The following FLI1 variants were observed in gnomAD, a reference collection of about 807,000 sequenced individuals.
FLI1 encodes the protein Fli-1 proto-oncogene, ETS transcription factor, also known as Friend leukemia integration 1 transcription factor.
FLI1 carries 13 observed loss-of-function variants against 53.1 expected under a neutral mutation model. The ratio of observed to expected loss-of-function variants is 0.24; its 90% CI spans 0.16 to 0.39. The LOEUF (loss-of-function observed/expected upper bound fraction) is 0.39, where lower values mean the gene tolerates loss of function less well. Among genes scored for constraint, FLI1 ranks in the 10% least tolerant of loss-of-function variants. The pLI is 1.00. For synonymous variants in FLI1, 244 were observed against 236.7 expected, an observed-to-expected ratio of 1.03 and a Z score of -0.28; for missense variants, 424 against 600.5, an observed-to-expected ratio of 0.71 and a Z score of 3.07.
At chr11:128,696,459 C>T (rs1373303200) in intron 1 of FLI1, among the ~76,000 whole-genome samples, 1 of 152,146 alleles carries the variant, frequency 6.6e-6, no homozygotes, top group African/African-American at 2.4e-5. Flanking sequence ...GGAGAGAGGC[C>T]AGCATTCTTC....
intron 1 of FLI1, among the ~76,000 whole-genome samples, chr11:128,733,905 C>T (rs1023258467): frequency 6.6e-6 from 1 of 152,222 alleles, no homozygotes; most frequent in Admixed American, 6.5e-5. Flanking sequence ...GAGGAGTCAG[C>T]TCCCACATGC....
At chr11:128,717,773 G>A (rs2135729963) in intron 1 of FLI1, among the ~76,000 whole-genome samples, 1 of 152,322 alleles carries the variant, frequency 6.6e-6, no homozygotes, top group African/African-American at 2.4e-5. Context: ...GCATGCCTGG[G>A]TGCCTGAAGT....
chr11:128,725,214 A>G (rs562022991), intron 1 of FLI1, among the ~76,000 whole-genome samples: 2 of 152,368 alleles, frequency 1.3e-5, no homozygotes, highest in East Asian at 1.9e-4. Context: ...ATGGCTGCAT[A>G]GGCAAAGGGA....
intron 5 of FLI1, among the ~76,000 whole-genome samples, chr11:128,789,484 A>G (rs1942200649): frequency 6.6e-6 from 1 of 152,232 alleles, no homozygotes; most frequent in Non-Finnish European, 1.5e-5. Context: ...ATGGGGCCTC[A>G]GGGTTCATTA....
chr11:128,704,236 A>T (rs1030523949), intron 1 of FLI1, among the ~76,000 whole-genome samples: 7 of 152,124 alleles, frequency 4.6e-5, no homozygotes, highest in African/African-American at 1.7e-4. Context: ...GTTCTATCTG[A>T]TCCTGTGTGG....
Position 128,811,306 on chromosome 11 carries a change from G to C in FLI1, c.*318G>C, listed in dbSNP as rs781007890. ...CATGGTTCTGAGAAAGAAGCTGTACGTTTTCTTTATGTTTTTATGACCAAA... is the reference window on the plus strand; with the variant it reads ...CATGGTTCTGAGAAAGAAGCTGTACCTTTTCTTTATGTTTTTATGACCAAA... On this transcript the variant is annotated 3_prime_UTR_variant, in exon 9 of 9. Coordinates refer to ENST00000527786, the MANE Select transcript of FLI1 (RefSeq NM_002017.5). The C allele has an allele frequency of 2.5e-4, 103 of 415,354 alleles. No individual in the cohort carries two copies. The highest frequency in any genetic ancestry group is 4.1e-4 in the Non-Finnish European group (94 of 230,824). The allele number at this position is 415,354 out of a possible 1,614,324, so 25.7% of individuals were successfully genotyped here.
chr11:128,770,543 G>A (rs1285240057), intron 3 of FLI1, among the ~76,000 whole-genome samples: 1 of 152,224 alleles, frequency 6.6e-6, no homozygotes, highest in Non-Finnish European at 1.5e-5. Context: ...TCCAGGAAAT[G>A]CATTTGGAAG....
In FLI1 at chr11:128,810,419, G is replaced by A. The variant is rs772938597; in HGVS notation, c.830-40G>A. On this transcript the variant is annotated intron_variant, in intron 8 of 8. Transcript: ENST00000527786. The surrounding 1 kb of genome is among the most constrained non-coding windows in gnomAD (Gnocchi z 6.6). ...AACTGGGTTCTGCCTTCTCTGGGCT[G>A]AGGTGTTCTGTTCTCTCCCGTTTGC... 51 of 1,549,862 alleles carry A rather than the reference G, an allele frequency of 3.3e-5. No individual in the cohort carries two copies. In the South Asian group the frequency reaches 4.3e-4, roughly 13 times the overall value.
chr11:128,690,486 C>G (rs2135677145), upstream of FLI1, among the ~76,000 whole-genome samples: 1 of 152,326 alleles, frequency 6.6e-6, no homozygotes, highest in East Asian at 1.9e-4. Context: ...CCCGGGAAGC[C>G]CGTGTCTGGA....
chr11:128,700,200 C>A (rs1423016200), intron 1 of FLI1, among the ~76,000 whole-genome samples: 1 of 152,244 alleles, frequency 6.6e-6, no homozygotes, highest in Non-Finnish European at 1.5e-5. Flanking sequence ...GGCCCACACA[C>A]TCTTGCATCC....
At chr11:128,700,898 A>T (rs1280894381) in intron 1 of FLI1, among the ~76,000 whole-genome samples, 1 of 152,198 alleles carries the variant, frequency 6.6e-6, no homozygotes. Context: ...TGGGTCTTGT[A>T]ACATGTATAG....
chr11:128,767,070 G>T (rs973646102), intron 2 of FLI1, among the ~76,000 whole-genome samples: 4 of 152,216 alleles, frequency 2.6e-5, no homozygotes, highest in East Asian at 1.9e-4. Flanking sequence ...GTGATGCTGG[G>T]CTGGAGGGCA....
chr11:128,724,192 G>A (rs1004489045), intron 1 of FLI1, among the ~76,000 whole-genome samples: 2 of 152,092 alleles, frequency 1.3e-5, no homozygotes, highest in Admixed American at 6.6e-5. Context: ...TGATCCACCC[G>A]CCTTGGCCTC....
At chr11:128,756,992 C>T (rs1838586115) in intron 1 of FLI1, among the ~76,000 whole-genome samples, 1 of 152,178 alleles carries the variant, frequency 6.6e-6, no homozygotes, top group South Asian at 2.1e-4. Flanking sequence ...AAGTGATCCT[C>T]CCACCTCAGC....
chr11:128,689,359 C>T (rs143005415), upstream of FLI1, among the ~76,000 whole-genome samples: 2 of 152,316 alleles, frequency 1.3e-5, no homozygotes, highest in African/African-American at 4.8e-5. Flanking sequence ...CGTCCTCCGC[C>T]CAACACCCCC....
chr11:128,812,449 C>T lies in FLI1; in HGVS notation c.*1461C>T, dbSNP rs143267974. 1.5e-3 allele frequency: 331 copies of T among 225,444 alleles called. 2 individuals are homozygous for T. The highest frequency in any genetic ancestry group is 8.1e-3 in the Middle Eastern group (6 of 744). The allele number at this position is 225,444 out of a possible 1,614,324, so 14.0% of individuals were successfully genotyped here. A position where few individuals can be genotyped will look rare whatever the true frequency, so the allele number is the denominator to read the frequency against. On this transcript the variant is annotated 3_prime_UTR_variant, in exon 9 of 9. Transcript: ENST00000527786. Reference sequence around the variant, plus strand: ...GGACAGTTTTCTTATTTACCGCCCCCGTTAGGTCAAAGGGTTTTCCCTGGG... The same window carrying T: ...GGACAGTTTTCTTATTTACCGCCCCTGTTAGGTCAAAGGGTTTTCCCTGGG...
chr11:128,726,147 A>G (rs1939464167), intron 1 of FLI1, among the ~76,000 whole-genome samples: 1 of 152,136 alleles, frequency 6.6e-6, no homozygotes, highest in African/African-American at 2.4e-5. Context: ...TCCACTCAGA[A>G]GCTTCTGAAG....
At chr11:128,765,436 CT>C (rs1002484248) in intron 2 of FLI1, among the ~76,000 whole-genome samples, 1 of 152,208 alleles carries the variant, frequency 6.6e-6, no homozygotes, top group African/African-American at 2.4e-5. Context: ...AGGGGCCCGG[CT>C]GATGTGGAAA....
chr11:128,808,730 A>C (rs1039964330), intron 7 of FLI1, among the ~76,000 whole-genome samples: 17 of 138,484 alleles, frequency 1.2e-4, no homozygotes, highest in Non-Finnish European at 2.7e-4. Context: ...GCTACATTTA[A>C]AAAAAAAAAC....
Sources: allele counts gnomAD v4.1 joint callset (sites outside exome capture counted in the v4.1 genomes callset), GRCh38; gene constraint gnomAD v4.1.1; non-coding constraint Gnocchi (gnomAD v3.1); transcripts MANE v1.5; gene names NCBI Gene and HGNC (gene_info 2026-07-23, HGNC 2026-07-21).